The following MGAM2 variants were observed in gnomAD, a reference collection of about 807,000 sequenced individuals.
MGAM2 encodes maltase-glucoamylase 2 (putative).
A neutral mutation model predicts 96.1 loss-of-function variants in MGAM2; 98 were observed. The ratio of observed to expected loss-of-function variants is 1.02; its 90% CI spans 0.87 to 1.21. MGAM2 has a LOEUF of 1.21. Among genes scored for constraint, MGAM2 ranks in the 50% most tolerant of loss-of-function variants. The pLI is 0.00. For synonymous variants in MGAM2, 749 were observed against 414.8 expected, an observed-to-expected ratio of 1.81 and a Z score of -9.79; for missense variants, 2,055 against 1,182.4, an observed-to-expected ratio of 1.74 and a Z score of -10.82.
intron 32 of MGAM2, among the ~76,000 whole-genome samples, chr7:142,180,296 A>G (rs1010143489): frequency 2.0e-5 from 3 of 152,136 alleles, no homozygotes; most frequent in Non-Finnish European, 2.9e-5. Context: ...TTTCAAAAAA[A>G]CAGCTTTTGC....
intron 45 of MGAM2, among the ~76,000 whole-genome samples, chr7:142,200,220 T>C (rs967487655): frequency 3.9e-5 from 6 of 152,228 alleles, no homozygotes; most frequent in African/African-American, 1.2e-4. Flanking sequence ...GATCTATCTC[T>C]GTATAACTGT....
intron 23 of MGAM2, among the ~76,000 whole-genome samples, chr7:142,163,095 C>T (rs938754866): frequency 1.3e-5 from 2 of 152,174 alleles, no homozygotes; most frequent in African/African-American, 4.8e-5. Flanking sequence ...AAAACCCATC[C>T]AAGTTGTGTG....
chr7:142,117,060 C>T (rs1353659144), intron 2 of MGAM2, 81 bp downstream of exon 2: 6 of 695,426 alleles, frequency 8.6e-6, no homozygotes, highest in Non-Finnish European at 1.6e-5. Context: ...TATTCTTTTA[C>T]TTTTCAATAT....
chr7:142,137,458 G>A lies in MGAM2; in HGVS notation c.873G>A (p.Ala291=), dbSNP rs560654522. The part of the protein sequence containing the change: ...AMEVTLQPAP[A]ITYRTIGGIL... ...AGGTTACCCTTCAGCCAGCTCCTGC[G>A]ATCACTTATCGCACGATTGGAGGCA... Residue 291 remains alanine, a synonymous_variant, in exon 9 of 48, where the codon GCG becomes GCA. Transcript: ENST00000477922. 2.6e-4 allele frequency: 179 copies of A among 699,764 alleles called. 1 individual carries two copies. The East Asian group carries it at 4.3e-3, about 17-fold the overall frequency. The allele number at this position is 699,764 out of a possible 1,614,324, so 43.3% of individuals were successfully genotyped here.
Position 142,191,614 on chromosome 7 carries a change from A to G in MGAM2, c.4346+2109A>G, listed in dbSNP as rs531182950. Among the ~76,000 whole-genome samples the G allele has an allele frequency of 7.9e-5, 12 of 152,068 alleles. No individual in the cohort carries two copies. The South Asian group carries it at 1.5e-3, about 18-fold the overall frequency. ...GATCTCTCTCTCTCTATATATATAT[A>G]TATCCTTATGCCAGTACCACACTGT... On this transcript the variant is annotated intron_variant, in intron 37 of 47. Coordinates refer to ENST00000477922, the MANE Select transcript of MGAM2 (RefSeq NM_001293626.2).
In MGAM2 at chr7:142,220,153, C is replaced by A. The variant is rs1208812386; in HGVS notation, c.5642C>A (p.Thr1881Asn). 5.7e-6 allele frequency: 4 copies of A among 702,680 alleles called. No individual in the cohort carries two copies. Among genetic ancestry groups the A allele is most frequent in the Non-Finnish European group, 1.0e-5 (4 of 384,914 alleles). 43.5% of individuals were successfully genotyped at this position (702,680 alleles called of 1,614,324 possible). Residue 1881 changes from threonine to asparagine, a missense_variant, in exon 48 of 48, where the codon ACT (threonine) becomes AAT (asparagine). Thr to Asn is a moderately conservative substitution (Grantham distance 65). Transcript: ENST00000477922. ...VTTNTTVPDT[T>N]SPFPTSTTNA... ...ACTAATACTACTGTTCCTGATACAA[C>A]TTCTCCTTTCCCTACAAGTACTACT...
chr7:142,128,619 G>C (rs1010788940), intron 3 of MGAM2, among the ~76,000 whole-genome samples: 4 of 152,186 alleles, frequency 2.6e-5, no homozygotes, highest in Admixed American at 2.6e-4. Flanking sequence ...GGCTAAAAGG[G>C]ACAAAAGTAC....
At chr7:142,199,835 A>G in intron 44 of MGAM2, 45 bp from the exon 45 acceptor site, 1 of 658,020 alleles carries the variant, frequency 1.5e-6, no homozygotes, top group Non-Finnish European at 2.7e-6. Flanking sequence ...TATTCTTACA[A>G]CCTACAATCT....
At chr7:142,113,562 A>G (rs1276749726) in intron 1 of MGAM2, among the ~76,000 whole-genome samples, 1 of 152,134 alleles carries the variant, frequency 6.6e-6, no homozygotes, top group Non-Finnish European at 1.5e-5. Flanking sequence ...TCCTCAAGTT[A>G]TTAATTATTT....
At chr7:142,174,784 C>T (rs962712558) in intron 31 of MGAM2, among the ~76,000 whole-genome samples, 2 of 138,648 alleles carry the variant, frequency 1.4e-5, no homozygotes, top group African/African-American at 5.7e-5. Flanking sequence ...GGAGCAATCT[C>T]GGCTCACTGC....
intron 45 of MGAM2, among the ~76,000 whole-genome samples, chr7:142,202,377 T>C (rs1797265879): frequency 1.3e-5 from 2 of 152,198 alleles, no homozygotes; most frequent in East Asian, 3.8e-4. Flanking sequence ...ATGGATGTAT[T>C]GTATGATGCT....
Position 142,161,142 on chromosome 7 carries a change from G to T in MGAM2, c.2363G>T (p.Gly788Val). 2 of 702,694 alleles carry T rather than the reference G, an allele frequency of 2.8e-6. No homozygotes were observed. The highest frequency in any genetic ancestry group is 5.2e-6 in the Non-Finnish European group (2 of 384,780). The allele number at this position is 702,694 out of a possible 1,614,324, so 43.5% of individuals were successfully genotyped here. A position where few individuals can be genotyped will look rare whatever the true frequency, so the allele number is the denominator to read the frequency against. ...TTTTACAGCCGGAGGAATTCCCTGG[G>T]ACTCATCATCGCCTTGGACTATAAG... ...TTEASRRNSLGLIIALDYKRE... is the reference protein window; with the variant it reads ...TTEASRRNSLVLIIALDYKRE... The change falls in exon 22 of 48, where the codon GGA becomes GTA. Residue 788 changes from glycine to valine, a missense_variant. By Grantham distance (109) the Gly-to-Val change is moderately radical. Transcript: ENST00000477922.
chr7:142,196,059 C>A, intron 37 of MGAM2, 95 bp from the exon 38 acceptor site: 1 of 697,276 alleles, frequency 1.4e-6, no homozygotes, highest in Non-Finnish European at 2.6e-6. Context: ...CTGACTCGGA[C>A]CGAAGTACCC....
At chr7:142,203,798 A>T (rs2129102729) in intron 45 of MGAM2, among the ~76,000 whole-genome samples, 1 of 152,300 alleles carries the variant, frequency 6.6e-6, no homozygotes, top group African/African-American at 2.4e-5. Flanking sequence ...CCATGTGCAG[A>T]AGAATGAAAC....
intron 32 of MGAM2, among the ~76,000 whole-genome samples, chr7:142,180,615 A>G (rs934203582): frequency 6.6e-6 from 1 of 152,208 alleles, no homozygotes; most frequent in Non-Finnish European, 1.5e-5. Flanking sequence ...CATGGACAAT[A>G]TCTTCAAATA....
intron 1 of MGAM2, 121 bp downstream of exon 1, chr7:142,111,928 G>T (rs1817183729): frequency 6.6e-6 from 1 of 151,848 alleles, no homozygotes; most frequent in African/African-American, 2.4e-5. Context: ...TTTCCTTCTG[G>T]ACTTAATATT....
At chr7:142,205,290 C>G (rs534674819) in intron 45 of MGAM2, among the ~76,000 whole-genome samples, 1 of 152,020 alleles carries the variant, frequency 6.6e-6, no homozygotes, top group Non-Finnish European at 1.5e-5. Flanking sequence ...CTTGAATAGA[C>G]ACACTTTTAA....
At chr7:142,174,167 T>A (rs1055254949) in intron 31 of MGAM2, among the ~76,000 whole-genome samples, 1 of 152,220 alleles carries the variant, frequency 6.6e-6, no homozygotes, top group African/African-American at 2.4e-5. Flanking sequence ...TTCGGGCTCA[T>A]TTTTGGTTAC....
At position 142,144,307 on chromosome 7, in the gene MGAM2, T is replaced by C. The variant is rs1000638053; in HGVS notation, c.1431+425T>C. Reference sequence around the variant, plus strand: ...TCAACAAATGTTCTCTGAGTGCCAATGTGCAAGGCATTGGAGCAGCCATTT... The same window carrying C: ...TCAACAAATGTTCTCTGAGTGCCAACGTGCAAGGCATTGGAGCAGCCATTT... On this transcript the variant is annotated intron_variant, in intron 13 of 47. Coordinates refer to ENST00000477922, the MANE Select transcript of MGAM2 (RefSeq NM_001293626.2). Among the ~76,000 whole-genome samples, 9 of 152,208 alleles carry C rather than the reference T, an allele frequency of 5.9e-5. 1 individual carries two copies. The South Asian group carries it at 6.2e-4, about 11-fold the overall frequency.
Sources: allele counts gnomAD v4.1 joint callset (sites outside exome capture counted in the v4.1 genomes callset), GRCh38; gene constraint gnomAD v4.1.1; transcripts MANE v1.5; gene names NCBI Gene and HGNC (gene_info 2026-07-23, HGNC 2026-07-21).